SLC22A9: variants seen among roughly 807,000 people sequenced by gnomAD.
SLC22A9 encodes the protein solute carrier family 22 member 9, also known as organic anion transporter 7.
In SLC22A9, 64 loss-of-function variants were observed where a neutral mutation model predicts 50.1. The observed-to-expected ratio is 1.28, with a 90% CI of 1.04 to 1.57. SLC22A9 has a LOEUF of 1.57. Among genes scored for constraint, SLC22A9 ranks in the 40% most tolerant of loss-of-function variants. SLC22A9 has a pLI of 0.00. For synonymous variants in SLC22A9, 261 were observed against 242.5 expected (o/e 1.08, Z -0.71); for missense variants, 757 against 676.1 (o/e 1.12, Z -1.33).
intron 6 of SLC22A9, among the ~76,000 whole-genome samples, chr11:63,405,392 C>G (rs562089971): frequency 6.6e-6 from 1 of 152,124 alleles, no homozygotes; most frequent in African/African-American, 2.4e-5. Context: ...GAAAGTTAAA[C>G]TTGTAATCAA....
chr11:63,390,068 G>A (rs475053), intron 6 of SLC22A9, among the ~76,000 whole-genome samples: 11,210 of 152,080 alleles, frequency 0.074, 1,388 homozygotes, highest in African/African-American at 0.25. Context: ...GTACATTCTG[G>A]ATATTAGGCC....
chr11:63,369,940 TG>T lies in SLC22A9; in HGVS notation c.-113del. ...GGAAGCACAGTCGTCAAGAAGAGAG[TG>T]GGGTCAGGATCAAAACACATTTAGT... is the stretch of plus-strand genomic sequence containing the variant. On this transcript the variant is annotated 5_prime_UTR_variant, in exon 1 of 10. Transcript: ENST00000279178. The T allele has an allele frequency of 4.0e-6, 4 of 1,005,414 alleles. No individual in the cohort carries two copies. In the South Asian group the frequency reaches 7.0e-5, roughly 18 times the overall value. The allele number at this position is 1,005,414 out of a possible 1,614,324, so 62.3% of individuals were successfully genotyped here. A position where few individuals can be genotyped will look rare whatever the true frequency, so the allele number is the denominator to read the frequency against.
chr11:63,394,716 T>G (rs1024184176), intron 6 of SLC22A9, among the ~76,000 whole-genome samples: 1 of 152,182 alleles, frequency 6.6e-6, no homozygotes. Flanking sequence ...CGATTATCTA[T>G]TTGAGATGAA....
Position 63,406,675 on chromosome 11 carries a change from G to A in SLC22A9, c.1252G>A (p.Ala418Thr), listed in dbSNP as rs1401188955. 6.8e-6 allele frequency: 11 copies of A among 1,613,498 alleles called. No homozygotes were observed. In the Admixed American group the frequency reaches 1.2e-4, roughly 17 times the overall value. Residue 418 changes from alanine to threonine, a missense_variant, in exon 7 of 10, where the codon GCA becomes ACA. Transcript: ENST00000279178. ...CCAGATGCTTCTCATGTTCCTACTGGCAATCTGCCTTCTGGCCATCATATT... is the reference window on the plus strand; with the variant it reads ...CCAGATGCTTCTCATGTTCCTACTGACAATCTGCCTTCTGGCCATCATATT... ...ASQMLLMFLLAICLLAIIFVP... is the reference protein window; with the variant it reads ...ASQMLLMFLLTICLLAIIFVP...
At chr11:63,371,286 C>G (rs752347547) in intron 2 of SLC22A9, 48 bp downstream of exon 2, 7 of 1,356,792 alleles carry the variant, frequency 5.2e-6, no homozygotes, top group Non-Finnish European at 6.3e-6. Flanking sequence ...TTTTTATCAA[C>G]TTATGAAACA....
At chr11:63,404,762 G>A (rs1259627241) in intron 6 of SLC22A9, among the ~76,000 whole-genome samples, 1 of 152,084 alleles carries the variant, frequency 6.6e-6, no homozygotes. Context: ...ATGCCCTTGG[G>A]GCTCTTATCC....
At chr11:63,405,785 G>T (rs2015026588) in intron 6 of SLC22A9, among the ~76,000 whole-genome samples, 1 of 151,996 alleles carries the variant, frequency 6.6e-6, no homozygotes, top group South Asian at 2.1e-4. Context: ...GTCTTGCAGT[G>T]GTTTTTGTTG....
At position 63,369,916 on chromosome 11, in the gene SLC22A9, G is replaced by T; in HGVS notation, c.-141G>T. 1.2e-6 allele frequency: 1 copy of T among 829,798 alleles called. No individual in the cohort carries two copies. Among genetic ancestry groups the T allele is most frequent in the South Asian group, 2.0e-5 (1 of 50,524 alleles). 51.4% of individuals were successfully genotyped at this position (829,798 alleles called of 1,614,324 possible). On this transcript the variant is annotated 5_prime_UTR_variant, in exon 1 of 10. Coordinates refer to ENST00000279178, the MANE Select transcript of SLC22A9 (RefSeq NM_080866.3). ...GTTTCCACGGTCCTGCTGCAGAGGGGAAGCACAGTCGTCAAGAAGAGAGTG... is the reference window on the plus strand; with the variant it reads ...GTTTCCACGGTCCTGCTGCAGAGGGTAAGCACAGTCGTCAAGAAGAGAGTG...
At position 63,370,375 on chromosome 11, in the gene SLC22A9, A is replaced by G. The variant is rs368415634; in HGVS notation, c.319A>G (p.Asn107Asp). The G allele has an allele frequency of 5.0e-6, 8 of 1,613,806 alleles. No homozygotes were observed. In the African/African-American group the frequency reaches 9.3e-5, roughly 19 times the overall value. The stretch of plus-strand genomic sequence containing the variant: ...CCTTCACCTGAATGGGACCTTCCCC[A>G]ACACAAGTGACGCAGACATGGAGCC... ...QLLHLNGTFP[N>D]TSDADMEPCV... Residue 107 changes from asparagine to aspartate, a missense_variant, in exon 1 of 10, where the codon AAC becomes GAC. Transcript: ENST00000279178.
intron 6 of SLC22A9, among the ~76,000 whole-genome samples, chr11:63,400,803 T>A (rs1167077695): frequency 6.6e-6 from 1 of 152,116 alleles, no homozygotes; most frequent in African/African-American, 2.4e-5. Context: ...AGATCATTCA[T>A]CACGACCAAG....
chr11:63,382,320 G>T (rs769701090), intron 6 of SLC22A9, 43 bp downstream of exon 6: 29 of 1,404,422 alleles, frequency 2.1e-5, no homozygotes, highest in Non-Finnish European at 2.7e-5. Flanking sequence ...CAGTACTGGA[G>T]ACATGAATCT....
chr11:63,370,471 G>A lies in SLC22A9; in HGVS notation c.402+13G>A, dbSNP rs1591010379. 1 of 1,555,250 alleles carries A rather than the reference G, an allele frequency of 6.4e-7. No homozygotes were observed. The highest frequency in any genetic ancestry group is 8.7e-7 in the Non-Finnish European group (1 of 1,153,656). Reference sequence around the variant, plus strand: ...CATCGTGACTGAGGTAAGAGGCTCTGTTCTCGTCTCATGAGTATGTGACCT... The same window carrying A: ...CATCGTGACTGAGGTAAGAGGCTCTATTCTCGTCTCATGAGTATGTGACCT... On this transcript the variant is annotated intron_variant, in intron 1 of 9. Coordinates refer to ENST00000279178, the MANE Select transcript of SLC22A9 (RefSeq NM_080866.3).
intron 6 of SLC22A9, among the ~76,000 whole-genome samples, chr11:63,390,919 C>A (rs957898551): frequency 2.6e-5 from 4 of 151,800 alleles, no homozygotes; most frequent in Non-Finnish European, 2.9e-5. Context: ...GAGGTTGTTT[C>A]TTTCAGTTTA....
chr11:63,395,300 GTTGT>G (rs372008329), intron 6 of SLC22A9, among the ~76,000 whole-genome samples: 101 of 152,160 alleles, frequency 6.6e-4, no homozygotes, highest in Admixed American at 1.7e-3. Flanking sequence ...ATGTTGGGGG[GTTGT>G]TTAAGAGCCT....
chr11:63,408,191 T>C lies in SLC22A9; in HGVS notation c.1368T>C (p.His456=), dbSNP rs139254772. ...TTGCCAATACCCTTGCTTTTGCCCA[T>C]GGAAATGAAGTAATTCCCACCATAA... ...SALANTLAFA[H]GNEVIPTIIR... is the part of the protein sequence containing the mutation. Residue 456 remains histidine (H), a synonymous_variant, in exon 8 of 10, where the codon CAT becomes CAC. Coordinates refer to ENST00000279178, the MANE Select transcript of SLC22A9 (RefSeq NM_080866.3). 5 of 1,613,718 alleles carry C rather than the reference T, an allele frequency of 3.1e-6. No homozygotes were observed. Among genetic ancestry groups the C allele is most frequent in the Non-Finnish European group, 3.4e-6 (4 of 1,179,738 alleles).
At chr11:63,408,368 C>T (rs2015076857) in intron 8 of SLC22A9, 148 bp downstream of exon 8, 1 of 720,338 alleles carries the variant, frequency 1.4e-6, no homozygotes, top group Non-Finnish European at 2.3e-6. Flanking sequence ...CCAACTTTAT[C>T]TCAAGCTGAC....
Position 63,410,028 on chromosome 11 carries a change from C to G in SLC22A9, c.*166C>G. On this transcript the variant is annotated 3_prime_UTR_variant, in exon 10 of 10. Transcript: ENST00000279178. ...GGCTGAGGCGGGCAGATCATGAGGT[C>G]AGAAGATAAAGACCACCCTGGCCAA... 1 of 623,092 alleles carries G rather than the reference C, an allele frequency of 1.6e-6. No homozygotes were observed. The highest frequency in any genetic ancestry group is 2.7e-6 in the Non-Finnish European group (1 of 372,490). 38.6% of individuals were successfully genotyped at this position (623,092 alleles called of 1,614,324 possible).
chr11:63,408,850 G>A lies in SLC22A9; in HGVS notation c.1572G>A (p.Leu524=), dbSNP rs1174388459. 6.2e-7 allele frequency: 1 copy of A among 1,613,758 alleles called. No individual in the cohort carries two copies. The highest frequency in any genetic ancestry group is 2.2e-5 in the East Asian group (1 of 44,882). The change falls in exon 9 of 10, where the codon CTG becomes CTA. Residue 524 remains leucine (L), a synonymous_variant. Transcript: ENST00000279178. The part of the protein sequence containing the change: ...LLLPETRNKP[L]FDTIQDEKNE... ...TTCCTGAAACCAGGAACAAGCCTCT[G>A]TTTGACACCATCCAGGATGAGAAAA... is the stretch of plus-strand genomic sequence containing the variant.
rs769153730 is a variant in SLC22A9 at position 63,373,968 on chromosome 11, A to G, written c.736A>G (p.Met246Val). 2.5e-6 allele frequency: 4 copies of G among 1,613,622 alleles called. No homozygotes were observed. Among genetic ancestry groups the G allele is most frequent in the East Asian group, 2.2e-5 (1 of 44,876 alleles). Residue 246 changes from methionine to valine, a missense_variant, in exon 4 of 10, where the codon ATG (methionine) becomes GTG (valine). Transcript: ENST00000279178. ...AATGTGCCCTTCTGGTATTGCATTTATGACCCTGGCAGGCCTGGCTTTTGC... is the reference window on the plus strand; with the variant it reads ...AATGTGCCCTTCTGGTATTGCATTTGTGACCCTGGCAGGCCTGGCTTTTGC... ...LGMCPSGIAF[M>V]TLAGLAFAIR...
Sources: gnomAD v4.1 joint callset for allele counts (sites outside exome capture counted in the v4.1 genomes callset) on GRCh38, gnomAD v4.1.1 for gene constraint, MANE v1.5 for transcripts, NCBI Gene and HGNC (gene_info 2026-07-23, HGNC 2026-07-21) for gene names.